GTF2A1L: variants seen among roughly 807,000 people sequenced by gnomAD.
GTF2A1L encodes the protein TFIIA-alpha and beta-like factor.
A neutral mutation model predicts 49.7 loss-of-function variants in GTF2A1L; 48 were observed. That is an observed-to-expected ratio of 0.97 (90% CI 0.77 to 1.23). GTF2A1L has a LOEUF of 1.23. Among genes scored for constraint, GTF2A1L ranks in the 50% most tolerant of loss-of-function variants. GTF2A1L has a pLI of 0.00. For synonymous variants in GTF2A1L, 246 were observed against 193.5 expected (o/e 1.27, Z -2.25); for missense variants, 736 against 564.8 (o/e 1.30, Z -3.07).
intron 1 of GTF2A1L, 134 bp from the exon 2 acceptor site, chr2:48,620,717 C>T: frequency 2.5e-6 from 1 of 402,916 alleles, no homozygotes. Flanking sequence ...GTGGAAATTG[C>T]AGTGAACTGA....
At chr2:48,677,686 G>C (rs1278908188) in intron 8 of GTF2A1L, among the ~76,000 whole-genome samples, 2 of 151,918 alleles carry the variant, frequency 1.3e-5, no homozygotes, top group African/African-American at 4.8e-5. Context: ...GTAAAAACAG[G>C]AACTAGTTAT....
intron 7 of GTF2A1L, among the ~76,000 whole-genome samples, chr2:48,671,041 C>T (rs904238888): frequency 3.9e-5 from 6 of 151,956 alleles, no homozygotes; most frequent in Non-Finnish European, 5.9e-5. Flanking sequence ...AAGCTGGTCT[C>T]GAACTCCTGG....
At chr2:48,653,500 C>T (rs1677985786) in intron 6 of GTF2A1L, among the ~76,000 whole-genome samples, 1 of 152,192 alleles carries the variant, frequency 6.6e-6, no homozygotes, top group Non-Finnish European at 1.5e-5. Context: ...GAATATTAGA[C>T]ACTATCATGC....
chr2:48,618,244 C>T lies in GTF2A1L; in HGVS notation c.21+349C>T, dbSNP rs17037460. ...CCAAGTTCGGTTGTGTTAATTTTAC[C>T]GTGGACATTGTTAATTCCAAGCTGT... On this transcript the variant is annotated intron_variant, in intron 1 of 8. Transcript: ENST00000403751. 4.3e-3 allele frequency: 1,190 copies of T among 275,748 alleles called. 12 individuals carry two copies. The highest frequency in any genetic ancestry group is 0.024 in the African/African-American group (1,112 of 45,616). The allele number at this position is 275,748 out of a possible 1,614,324, so 17.1% of individuals were successfully genotyped here. A position where few individuals can be genotyped will look rare whatever the true frequency, so the allele number is the denominator to read the frequency against.
At chr2:48,670,516 G>C (rs989821231) in intron 7 of GTF2A1L, among the ~76,000 whole-genome samples, 1 of 152,178 alleles carries the variant, frequency 6.6e-6, no homozygotes, top group Admixed American at 6.5e-5. Flanking sequence ...TAGGCAATGG[G>C]AGTGGCTGTT....
intron 3 of GTF2A1L, among the ~76,000 whole-genome samples, chr2:48,641,751 C>T (rs1572721894): frequency 6.6e-6 from 1 of 152,198 alleles, no homozygotes; most frequent in East Asian, 1.9e-4. Context: ...AAATGAAAGG[C>T]TGGTTAGCAT....
At chr2:48,635,596 C>G (rs915424119) in intron 3 of GTF2A1L, among the ~76,000 whole-genome samples, 3 of 152,096 alleles carry the variant, frequency 2.0e-5, no homozygotes, top group African/African-American at 7.2e-5. Context: ...AGCTCTCCTC[C>G]CACTCCAGGC....
In GTF2A1L at chr2:48,656,336, C is replaced by T. The variant is rs182543726; in HGVS notation, c.978+9294C>T. The stretch of plus-strand genomic sequence containing the variant: ...TCTGATTTCTCCATATCCCCACCAA[C>T]GCTTATTTTCTGTTTTTTTTTTTTT... On this transcript the variant is annotated intron_variant, in intron 6 of 8. Coordinates refer to ENST00000403751, the MANE Select transcript of GTF2A1L (RefSeq NM_006872.5). Among the ~76,000 whole-genome samples the T allele has an allele frequency of 3.7e-3, 514 of 140,654 alleles. 4 individuals carry two copies. Among genetic ancestry groups the T allele is most frequent in the Non-Finnish European group, 5.9e-3 (392 of 66,594 alleles). 92.3% of individuals were successfully genotyped at this position (140,654 alleles called of 152,430 possible).
At chr2:48,647,626 A>G (rs1572733578) in intron 6 of GTF2A1L, among the ~76,000 whole-genome samples, 1 of 151,624 alleles carries the variant, frequency 6.6e-6, no homozygotes. Flanking sequence ...GAATTCCTAT[A>G]TGGAAACTTT....
intron 1 of GTF2A1L, among the ~76,000 whole-genome samples, chr2:48,619,163 C>G (rs1675830827): frequency 6.6e-6 from 1 of 152,044 alleles, no homozygotes; most frequent in Non-Finnish European, 1.5e-5. Context: ...TAAAGCATAG[C>G]TTTAAATACT....
intron 6 of GTF2A1L, among the ~76,000 whole-genome samples, chr2:48,668,068 C>T (rs1250734365): frequency 6.6e-6 from 1 of 152,130 alleles, no homozygotes; most frequent in African/African-American, 2.4e-5. Context: ...TCTTCATAGC[C>T]CCTGGTAACC....
chr2:48,627,546 G>C (rs7601365), intron 3 of GTF2A1L, among the ~76,000 whole-genome samples: 138,592 of 142,814 alleles, frequency 0.97, 67,892 homozygotes, highest in African/African-American at 0.99. Context: ...TGCTTGAAAA[G>C]TTGAGTTTTA....
At chr2:48,670,168 G>A (rs1679089026) in intron 7 of GTF2A1L, among the ~76,000 whole-genome samples, 186 bp downstream of exon 7, 1 of 152,170 alleles carries the variant, frequency 6.6e-6, no homozygotes. Flanking sequence ...TGAGGCAGGT[G>A]GATCATTTGA....
intron 6 of GTF2A1L, among the ~76,000 whole-genome samples, chr2:48,653,220 CAAAAAAAAAAA>C (rs568400398): frequency 2.5e-4 from 22 of 88,146 alleles, no homozygotes; most frequent in African/African-American, 9.4e-4. Context: ...GACTCTGTCT[CAAAAAAAAAAA>C]AAAAAAAAAG....
chr2:48,651,815 T>C (rs1294189605), intron 6 of GTF2A1L, among the ~76,000 whole-genome samples: 2 of 152,202 alleles, frequency 1.3e-5, no homozygotes, highest in African/African-American at 4.8e-5. Flanking sequence ...GGGAGACATT[T>C]ACTATTTTTG....
At chr2:48,626,849 T>C (rs1176377700) in intron 3 of GTF2A1L, among the ~76,000 whole-genome samples, 1 of 144,792 alleles carries the variant, frequency 6.9e-6, no homozygotes, top group African/African-American at 2.5e-5. Flanking sequence ...GTGCATATCT[T>C]TCACCTTCTT....
intron 6 of GTF2A1L, among the ~76,000 whole-genome samples, chr2:48,648,710 G>A (rs1677674500): frequency 5.9e-5 from 9 of 152,050 alleles, no homozygotes; most frequent in Admixed American, 5.9e-4. Context: ...TGGCACCATA[G>A]TAAGCTTTAG....
intron 3 of GTF2A1L, among the ~76,000 whole-genome samples, chr2:48,639,699 T>C (rs1223356894): frequency 1.3e-5 from 2 of 152,106 alleles, no homozygotes; most frequent in African/African-American, 2.4e-5. Flanking sequence ...AATTTACAAG[T>C]GAGATCTAAT....
intron 3 of GTF2A1L, among the ~76,000 whole-genome samples, chr2:48,622,110 T>A (rs2104062721): frequency 6.6e-6 from 1 of 152,324 alleles, no homozygotes; most frequent in South Asian, 2.1e-4. Flanking sequence ...AAGCAGATAG[T>A]TCTTTGCATG....
Sources: gnomAD v4.1 joint callset for allele counts (sites outside exome capture counted in the v4.1 genomes callset) on GRCh38, gnomAD v4.1.1 for gene constraint, MANE v1.5 for transcripts, NCBI Gene and HGNC (gene_info 2026-07-23, HGNC 2026-07-21) for gene names.